PHACTR4: variants seen among roughly 807,000 people sequenced by gnomAD.
PHACTR4 encodes protein phosphatase 1, regulatory subunit 124.
Under a neutral mutation model 72.7 loss-of-function variants are expected in PHACTR4, and 51 were observed. The ratio of observed to expected loss-of-function variants is 0.70; its 90% confidence interval spans 0.56 to 0.89. The LOEUF (loss-of-function observed/expected upper bound fraction) is 0.89. Ranked by LOEUF, PHACTR4 falls within the 40% of genes least tolerant of loss-of-function variation. The pLI is 0.00. For synonymous variants in PHACTR4, 255 were observed against 302.5 expected, an observed-to-expected ratio of 0.84 and a Z score of 1.63; for missense variants, 731 against 861.8, an observed-to-expected ratio of 0.85 and a Z score of 1.90.
intron 8 of PHACTR4, among the ~76,000 whole-genome samples, chr1:28,478,352 C>T (rs951577638): frequency 2.0e-5 from 3 of 152,132 alleles, no homozygotes; most frequent in African/African-American, 2.4e-5. Context: ...AATAGTACTG[C>T]AATAAGCATG....
chr1:28,444,301 C>T (rs1346032191), intron 2 of PHACTR4, among the ~76,000 whole-genome samples: 2 of 123,248 alleles, frequency 1.6e-5, no homozygotes, highest in Admixed American at 1.1e-4. Context: ...GCAGTCTTGG[C>T]TCACTGCAAC....
chr1:28,464,061 T>TTTC (rs1557832571), intron 4 of PHACTR4, among the ~76,000 whole-genome samples: 1 of 150,754 alleles, frequency 6.6e-6, no homozygotes, highest in Non-Finnish European at 1.5e-5. Flanking sequence ...TTTTTTTTTT[T>TTTC]TGAGATGGAG....
intron 1 of PHACTR4, among the ~76,000 whole-genome samples, chr1:28,389,418 G>A (rs981029537): frequency 5.3e-5 from 8 of 151,288 alleles, no homozygotes; most frequent in African/African-American, 1.9e-4. Flanking sequence ...GTGTTGGCAA[G>A]GATGTGGAGA....
intron 2 of PHACTR4, among the ~76,000 whole-genome samples, chr1:28,445,099 C>T (rs964618250): frequency 2.6e-5 from 4 of 151,618 alleles, no homozygotes; most frequent in African/African-American, 9.7e-5. Context: ...GGATTACAGG[C>T]GCCTGCCAGC....
At chr1:28,407,367 A>C in intron 1 of PHACTR4, 43 bp from the exon 2 acceptor site, 1 of 1,065,400 alleles carries the variant, frequency 9.4e-7, no homozygotes, top group Non-Finnish European at 1.4e-6. Context: ...AAGGTGATGG[A>C]CTATATGTAT....
At chr1:28,459,604 G>A (rs1658657741) in intron 3 of PHACTR4, among the ~76,000 whole-genome samples, 1 of 151,616 alleles carries the variant, frequency 6.6e-6, no homozygotes, top group African/African-American at 2.4e-5. Flanking sequence ...GTCTCCTTAT[G>A]TTTCCCAGGC....
chr1:28,472,453 G>A (rs2124500516), intron 6 of PHACTR4, among the ~76,000 whole-genome samples: 1 of 152,212 alleles, frequency 6.6e-6, no homozygotes, highest in Admixed American at 6.5e-5. Flanking sequence ...CTTTGCAATT[G>A]CTATAAAAAT....
intron 2 of PHACTR4, among the ~76,000 whole-genome samples, chr1:28,416,269 T>C (rs1293035452): frequency 6.6e-6 from 1 of 152,150 alleles, no homozygotes; most frequent in Admixed American, 6.5e-5. Context: ...ATTATAAATA[T>C]ATATTAAATA....
At chr1:28,372,609 T>C (rs1040541156) in intron 1 of PHACTR4, among the ~76,000 whole-genome samples, 3 of 152,086 alleles carry the variant, frequency 2.0e-5, no homozygotes, top group African/African-American at 7.2e-5. Context: ...CCCAGCACTT[T>C]GGGAGGCTGA....
intron 1 of PHACTR4, among the ~76,000 whole-genome samples, chr1:28,395,349 T>G (rs532182390): frequency 6.6e-6 from 1 of 152,360 alleles, no homozygotes; most frequent in East Asian, 1.9e-4. Context: ...TTGCCCTTCC[T>G]GTGCTCTGTA....
intron 2 of PHACTR4, among the ~76,000 whole-genome samples, chr1:28,442,452 G>T: frequency 6.7e-6 from 1 of 148,842 alleles, no homozygotes; most frequent in Non-Finnish European, 1.5e-5. Context: ...GACAGAGTGA[G>T]ACTCTGTCTC....
At chr1:28,460,825 G>A (rs952974964) in intron 4 of PHACTR4, among the ~76,000 whole-genome samples, 6 of 151,932 alleles carry the variant, frequency 3.9e-5, no homozygotes, top group African/African-American at 9.7e-5. Context: ...TTCATTTTTA[G>A]TAGAGATGAG....
chr1:28,479,573 A>G (rs190182497), intron 8 of PHACTR4, among the ~76,000 whole-genome samples: 40 of 135,482 alleles, frequency 3.0e-4, no homozygotes, highest in Admixed American at 3.1e-4. Context: ...ACAGAGCAAG[A>G]CTCCGCCTCA....
At chr1:28,410,800 G>A (rs1276636764) in intron 2 of PHACTR4, among the ~76,000 whole-genome samples, 1 of 151,976 alleles carries the variant, frequency 6.6e-6, no homozygotes, top group Admixed American at 6.6e-5. Context: ...TCCACCTCCC[G>A]GGTTCAAGTG....
intron 2 of PHACTR4, among the ~76,000 whole-genome samples, chr1:28,457,646 G>A (rs2124463229): frequency 1.3e-5 from 2 of 151,942 alleles, no homozygotes; most frequent in East Asian, 1.9e-4. Context: ...TAAAAAAGAT[G>A]TTTTAGTGAC....
chr1:28,436,309 C>T (rs67158073), intron 2 of PHACTR4, among the ~76,000 whole-genome samples: 44,028 of 151,336 alleles, frequency 0.29, 6,634 homozygotes, highest in Middle Eastern at 0.35. Flanking sequence ...ACTGTGTTGC[C>T]GAGGCTGGAC....
At chr1:28,466,204 C>T (rs868040298) in intron 5 of PHACTR4, among the ~76,000 whole-genome samples, 178 bp from the exon 6 acceptor site, 1 of 152,128 alleles carries the variant, frequency 6.6e-6, no homozygotes, top group Non-Finnish European at 1.5e-5. Flanking sequence ...TCTTAGTGAG[C>T]CTTTCTTACT....
chr1:28,442,400 G>A (rs1223791266), intron 2 of PHACTR4, among the ~76,000 whole-genome samples: 1 of 150,782 alleles, frequency 6.6e-6, no homozygotes, highest in African/African-American at 2.5e-5. Context: ...GGAGGCGGAG[G>A]ATGCAGTGAG....
chr1:28,381,186 TG>T (rs971643936), intron 1 of PHACTR4, among the ~76,000 whole-genome samples: 8 of 151,442 alleles, frequency 5.3e-5, no homozygotes, highest in Non-Finnish European at 8.8e-5. Context: ...TTTGTATTTT[TG>T]TAGGGACAGG....
Sources: allele counts gnomAD v4.1 joint callset (sites outside exome capture counted in the v4.1 genomes callset), GRCh38; gene constraint gnomAD v4.1.1; transcripts MANE v1.5; gene names NCBI Gene and HGNC (gene_info 2026-07-23, HGNC 2026-07-21).